Variants in ENTPD1 observed in about 807,000 individuals in gnomAD.
The protein encoded by ENTPD1 is ectonucleoside triphosphate diphosphohydrolase 1.
A neutral mutation model predicts 57.0 loss-of-function variants in ENTPD1; 33 were observed. That is an observed-to-expected ratio of 0.58 (90% CI 0.44 to 0.77). ENTPD1 has a LOEUF of 0.77. Among genes scored for constraint, ENTPD1 ranks in the 30% least tolerant of loss-of-function variants. The pLI is 0.00. For missense variants in ENTPD1, 501 were observed against 603.4 expected, an observed-to-expected ratio of 0.83 and a Z score of 1.78; for synonymous variants, 202 against 218.8, an observed-to-expected ratio of 0.92 and a Z score of 0.68.
intron 1 of ENTPD1, among the ~76,000 whole-genome samples, chr10:95,780,756 A>G (rs925943883): frequency 4.6e-5 from 7 of 152,208 alleles, no homozygotes; most frequent in African/African-American, 1.7e-4. Flanking sequence ...CTGTAGGGGC[A>G]TCAGGGAAGT....
rs947045259 is a variant in ENTPD1 at position 95,868,937 on chromosome 10, G to A, written c.*2554G>A. The A allele has an allele frequency of 8.1e-6, 8 of 985,322 alleles. 1 individual carries two copies. In the Admixed American group the frequency reaches 3.1e-4, roughly 38 times the overall value. The allele number at this position is 985,322 out of a possible 1,614,324, so 61.0% of individuals were successfully genotyped here. On this transcript the variant is annotated 3_prime_UTR_variant, in exon 10 of 10. Transcript: ENST00000371205. ...TCTCAAATTATGGAGACAATCAGCA[G>A]ACACAACCTAACCCCAATTATTTTG...
chr10:95,728,274 A>G (rs1285433796), intron 1 of ENTPD1, among the ~76,000 whole-genome samples: 1 of 150,950 alleles, frequency 6.6e-6, no homozygotes, highest in Non-Finnish European at 1.5e-5. Flanking sequence ...TTTGTATGTC[A>G]TATGTATTAT....
chr10:95,823,363 A>G lies in ENTPD1; in HGVS notation c.143A>G (p.Lys48Arg). Residue 48 changes from lysine (K) to arginine (R), a missense_variant and splice_region_variant, in exon 2 of 10, where the codon AAG becomes AGG. Lys to Arg is a conservative substitution (Grantham distance 26). Transcript: ENST00000371205. Reference sequence around the variant, plus strand: ...AACAAAGCATTGCCAGAAAACGTTAAGGTAAGTCAAATATATCTGTGTGTT... The same window carrying G: ...AACAAAGCATTGCCAGAAAACGTTAGGGTAAGTCAAATATATCTGTGTGTT... Reference protein sequence around the residue: ...TQNKALPENVKYGIVLDAGSS... With the variant: ...TQNKALPENVRYGIVLDAGSS... The G allele has an allele frequency of 6.2e-7, 1 of 1,614,058 alleles. No homozygotes were observed. The highest frequency in any genetic ancestry group is 8.5e-7 in the Non-Finnish European group (1 of 1,179,942).
In ENTPD1 at chr10:95,860,414, A is replaced by C; in HGVS notation, c.1075-55A>C. ...CAAGGGATGCGGCCTTTAGGAGAGC[A>C]AGTTGGCATCCCTCTGTGTGGAACA... is the stretch of plus-strand genomic sequence containing the variant. On this transcript the variant is annotated intron_variant, in intron 7 of 9. Coordinates refer to ENST00000371205, the MANE Select transcript of ENTPD1 (RefSeq NM_001776.6). 4 of 1,454,190 alleles carry C rather than the reference A, an allele frequency of 2.8e-6. No individual in the cohort carries two copies. The Admixed American group carries it at 5.4e-5, about 20-fold the overall frequency. The allele number at this position is 1,454,190 out of a possible 1,614,324, so 90.1% of individuals were successfully genotyped here.
chr10:95,870,932 T>G lies in ENTPD1; in HGVS notation c.*4549T>G, dbSNP rs1413098851. 1 of 985,306 alleles carries G rather than the reference T, an allele frequency of 1.0e-6. No homozygotes were observed. The highest frequency in any genetic ancestry group is 1.2e-6 in the Non-Finnish European group (1 of 829,942). The allele number at this position is 985,306 out of a possible 1,614,324, so 61.0% of individuals were successfully genotyped here. ...GCAGCTCTACTTCAGGTGGTAAGGG[T>G]GGATCAGACCTATTCCATATACCTC... On this transcript the variant is annotated 3_prime_UTR_variant, in exon 10 of 10. Coordinates refer to ENST00000371205, the MANE Select transcript of ENTPD1 (RefSeq NM_001776.6).
chr10:95,870,509 C>A lies in ENTPD1; in HGVS notation c.*4126C>A. On this transcript the variant is annotated 3_prime_UTR_variant, in exon 10 of 10. Transcript: ENST00000371205. Reference sequence around the variant, plus strand: ...GTCCAGGCTGGTCTCGAACTCCTGCCCTCAAGCAATCCTCCTGCCTTGGCC... The same window carrying A: ...GTCCAGGCTGGTCTCGAACTCCTGCACTCAAGCAATCCTCCTGCCTTGGCC... 1.1e-6 allele frequency: 1 copy of A among 947,806 alleles called. No homozygotes were observed. 58.7% of individuals were successfully genotyped at this position (947,806 alleles called of 1,614,324 possible). A position where few individuals can be genotyped will look rare whatever the true frequency, so the allele number is the denominator to read the frequency against.
chr10:95,802,914 C>T (rs1228923919), intron 1 of ENTPD1, among the ~76,000 whole-genome samples: 5 of 152,200 alleles, frequency 3.3e-5, no homozygotes, highest in South Asian at 2.1e-4. Context: ...AATAAACATA[C>T]GTATGCATAC....
intron 1 of ENTPD1, among the ~76,000 whole-genome samples, chr10:95,724,865 G>A (rs1223922037): frequency 6.6e-6 from 1 of 152,240 alleles, no homozygotes; most frequent in Non-Finnish European, 1.5e-5. Context: ...CCCAAAGGGG[G>A]TTGCCCAGGT....
chr10:95,749,124 C>T (rs1041684054), intron 1 of ENTPD1, among the ~76,000 whole-genome samples: 2 of 152,132 alleles, frequency 1.3e-5, no homozygotes, highest in Non-Finnish European at 2.9e-5. Flanking sequence ...ATGGTGATAC[C>T]CAAATGCTAC....
intron 1 of ENTPD1, among the ~76,000 whole-genome samples, chr10:95,762,608 T>G (rs1312199336): frequency 6.6e-6 from 1 of 152,232 alleles, no homozygotes; most frequent in Non-Finnish European, 1.5e-5. Context: ...TATTTAACAG[T>G]TCTCCTGTTA....
chr10:95,781,595 T>TA (rs2098158427), intron 1 of ENTPD1, among the ~76,000 whole-genome samples: 1 of 151,792 alleles, frequency 6.6e-6, no homozygotes, highest in South Asian at 2.1e-4. Context: ...AAATTAAAAA[T>TA]AAAAAAATAA....
In ENTPD1 at chr10:95,825,665, C is replaced by T. The variant is rs574433073; in HGVS notation, c.144+2301C>T. On this transcript the variant is annotated intron_variant, in intron 2 of 9. Transcript: ENST00000371205. ...CGATCTCGGCTCACTGAAAGCTCCACCTCCTGGGTTCACGTCGTTCTCCTG... is the reference window on the plus strand; with the variant it reads ...CGATCTCGGCTCACTGAAAGCTCCATCTCCTGGGTTCACGTCGTTCTCCTG... Among the ~76,000 whole-genome samples the T allele has an allele frequency of 7.2e-5, 11 of 152,334 alleles. No homozygotes were observed. In the South Asian group the frequency reaches 2.1e-3, roughly 29 times the overall value.
chr10:95,866,477 T>C lies in ENTPD1; in HGVS notation c.*94T>C. The C allele has an allele frequency of 6.4e-7, 1 of 1,567,226 alleles. No homozygotes were observed. On this transcript the variant is annotated 3_prime_UTR_variant, in exon 10 of 10. Transcript: ENST00000371205. ...CAGTGTTCAAGGCCATCCTTCCCTG[T>C]CTGCCAGGGCCAGTCTTGACGAGTG...
chr10:95,808,403 G>A (rs566624414), intron 1 of ENTPD1, among the ~76,000 whole-genome samples: 2 of 152,312 alleles, frequency 1.3e-5, no homozygotes, highest in East Asian at 3.9e-4. Flanking sequence ...TCTCTGCCAG[G>A]TTTTGGTATC....
intron 1 of ENTPD1, among the ~76,000 whole-genome samples, chr10:95,739,170 A>G (rs1422346713): frequency 6.6e-6 from 1 of 152,194 alleles, no homozygotes; most frequent in Non-Finnish European, 1.5e-5. Context: ...GGAGGATTTT[A>G]CCTCTATGTT....
intron 1 of ENTPD1, among the ~76,000 whole-genome samples, chr10:95,773,940 A>G (rs1206757819): frequency 6.6e-6 from 1 of 152,062 alleles, no homozygotes; most frequent in African/African-American, 2.4e-5. Context: ...ACTAGTTTAC[A>G]CTCCCACCAA....
chr10:95,850,243 C>CT (rs2140899707), intron 7 of ENTPD1, among the ~76,000 whole-genome samples: 1 of 152,202 alleles, frequency 6.6e-6, no homozygotes, highest in East Asian at 1.9e-4. Context: ...TTGCCTGCCT[C>CT]TATGTAGGAT....
intron 1 of ENTPD1, among the ~76,000 whole-genome samples, chr10:95,758,321 G>T (rs947068803): frequency 1.3e-5 from 2 of 152,212 alleles, no homozygotes; most frequent in Non-Finnish European, 2.9e-5. Flanking sequence ...AACATGAAGA[G>T]AATAACAGTA....
At chr10:95,856,871 A>C (rs1334147323) in intron 7 of ENTPD1, among the ~76,000 whole-genome samples, 1 of 151,284 alleles carries the variant, frequency 6.6e-6, no homozygotes, top group Non-Finnish European at 1.5e-5. Context: ...TGTATTCACT[A>C]TTTTCTATTA....
Sources: allele counts gnomAD v4.1 joint callset (sites outside exome capture counted in the v4.1 genomes callset), GRCh38; gene constraint gnomAD v4.1.1; transcripts MANE v1.5; gene names NCBI Gene and HGNC (gene_info 2026-07-23, HGNC 2026-07-21).